Variants in SRBD1 observed in about 807,000 individuals in gnomAD.
SRBD1 encodes S1 RNA binding domain 1, also known as S1 RNA-binding domain-containing protein 1.
SRBD1 carries 88 observed loss-of-function variants against 115.3 expected under a neutral mutation model. The observed-to-expected ratio is 0.76, with a 90% CI of 0.64 to 0.91. The LOEUF (loss-of-function observed/expected upper bound fraction) is 0.91, where lower values mean the gene tolerates loss of function less well. Among genes scored for constraint, SRBD1 ranks in the 40% least tolerant of loss-of-function variants. The pLI is 0.00. For missense variants in SRBD1, 1,385 were observed against 1,177.4 expected, an observed-to-expected ratio of 1.18 and a Z score of -2.58; for synonymous variants, 509 against 407.7, an observed-to-expected ratio of 1.25 and a Z score of -2.99.
chr2:45,599,690 T>C lies in SRBD1; in HGVS notation c.407A>G (p.Glu136Gly), dbSNP rs142757524. Residue 136 changes from glutamate to glycine, a missense_variant, in exon 4 of 21, where the codon GAA becomes GGA. Transcript: ENST00000263736. The part of the protein sequence containing the change: ...TVRRTKKLKV[E>G]EETSKASNLE... ...GTTGCTGGCTTTGCTGGTTTCTTCT[T>C]CAACTTTCAGCTTTTTAGTCCTTCG... is the stretch of plus-strand genomic sequence containing the variant. 1.2e-6 allele frequency: 2 copies of C among 1,614,126 alleles called. No individual in the cohort carries two copies. The highest frequency in any genetic ancestry group is 1.7e-6 in the Non-Finnish European group (2 of 1,180,054).
At chr2:45,402,945 C>T (rs1175903764) in intron 19 of SRBD1, among the ~76,000 whole-genome samples, 1 of 152,118 alleles carries the variant, frequency 6.6e-6, no homozygotes, top group Non-Finnish European at 1.5e-5. Context: ...AGAATAACCC[C>T]TAAATAGGCT....
chr2:45,420,492 G>A (rs1245846792), intron 16 of SRBD1, among the ~76,000 whole-genome samples: 1 of 152,148 alleles, frequency 6.6e-6, no homozygotes, highest in Non-Finnish European at 1.5e-5. Context: ...ATTAAACCAT[G>A]ACACATGCTT....
chr2:45,567,320 A>T (rs1467747534), intron 9 of SRBD1, among the ~76,000 whole-genome samples: 1 of 152,176 alleles, frequency 6.6e-6, no homozygotes. Context: ...CTTAGAAATA[A>T]ATGTTTCGGC....
chr2:45,409,829 A>G (rs980627027), intron 19 of SRBD1, among the ~76,000 whole-genome samples: 1 of 152,198 alleles, frequency 6.6e-6, no homozygotes, highest in African/African-American at 2.4e-5. Flanking sequence ...ACTGAAAGCT[A>G]AAAGACACAG....
At chr2:45,393,961 T>C (rs1341921277) in intron 19 of SRBD1, among the ~76,000 whole-genome samples, 1 of 152,128 alleles carries the variant, frequency 6.6e-6, no homozygotes, top group African/African-American at 2.4e-5. Context: ...TTAATAACTC[T>C]CAAATTCCGT....
chr2:45,425,086 T>A (rs1427566989), intron 16 of SRBD1, among the ~76,000 whole-genome samples: 1 of 152,170 alleles, frequency 6.6e-6, no homozygotes, highest in African/African-American at 2.4e-5. Flanking sequence ...TGTAATAAAA[T>A]CTCTTTATCA....
chr2:45,394,642 C>A (rs901037926), intron 19 of SRBD1, among the ~76,000 whole-genome samples: 2 of 152,172 alleles, frequency 1.3e-5, no homozygotes, highest in African/African-American at 4.8e-5. Context: ...GGTCTCTTCA[C>A]AGTGATACTC....
chr2:45,475,004 C>G (rs1031953441), intron 16 of SRBD1, among the ~76,000 whole-genome samples: 2 of 152,200 alleles, frequency 1.3e-5, no homozygotes, highest in Admixed American at 6.5e-5. Context: ...ATTTGCTGAA[C>G]AGTGAGTAGT....
intron 17 of SRBD1, 23 bp downstream of exon 17, chr2:45,419,765 C>G (rs1287841768): frequency 6.2e-7 from 1 of 1,606,044 alleles, no homozygotes; most frequent in Non-Finnish European, 8.5e-7. Flanking sequence ...ATTCTGTGAT[C>G]TTCAGCCACA....
At chr2:45,527,886 G>A (rs1318882354) in intron 14 of SRBD1, among the ~76,000 whole-genome samples, 1 of 151,766 alleles carries the variant, frequency 6.6e-6, no homozygotes, top group Non-Finnish European at 1.5e-5. Context: ...TTGTTTATAG[G>A]AATCATTGCT....
chr2:45,445,014 G>T (rs1490910455), intron 16 of SRBD1, among the ~76,000 whole-genome samples: 1 of 152,160 alleles, frequency 6.6e-6, no homozygotes, highest in Admixed American at 6.5e-5. Flanking sequence ...AGGAACTCAA[G>T]GCAAGACAAA....
chr2:45,436,567 A>G (rs182282011), intron 16 of SRBD1, among the ~76,000 whole-genome samples: 25 of 152,330 alleles, frequency 1.6e-4, no homozygotes, highest in African/African-American at 6.0e-4. Context: ...ACTTACAATC[A>G]TGATAGAAGG....
intron 19 of SRBD1, among the ~76,000 whole-genome samples, chr2:45,396,698 AG>A (rs1256109133): frequency 1.2e-4 from 19 of 152,238 alleles, no homozygotes; most frequent in African/African-American, 4.3e-4. Context: ...TTCCCTTCAA[AG>A]AATAAGAAAA....
chr2:45,553,723 G>A lies in SRBD1; in HGVS notation c.1417C>T (p.Pro473Ser), dbSNP rs1161777941. Reference sequence around the variant, plus strand: ...AACTCTGGCCTTGCAAAGCTACGTGGTCTCCACCTGCAAAACAGAAAAGCC... The same window carrying A: ...AACTCTGGCCTTGCAAAGCTACGTGATCTCCACCTGCAAAACAGAAAAGCC... ...CRWCIQNRWRPRSFARPELMK... is the reference protein window; with the variant it reads ...CRWCIQNRWRSRSFARPELMK... Residue 473 changes from proline to serine, a missense_variant, in exon 11 of 21, where the codon CCA becomes TCA. Pro to Ser is a moderately conservative substitution (Grantham distance 74). Transcript: ENST00000263736. 6.3e-6 allele frequency: 10 copies of A among 1,576,120 alleles called. No homozygotes were observed. Among genetic ancestry groups the A allele is most frequent in the Non-Finnish European group, 8.6e-6 (10 of 1,163,944 alleles).
Position 45,405,362 on chromosome 2 carries a change from A to G in SRBD1, c.2513+7752T>C, listed in dbSNP as rs566914033. 2.2e-3 allele frequency among the ~76,000 whole-genome samples: 329 copies of G among 152,254 alleles called. 2 individuals carry two copies. Among genetic ancestry groups the G allele is most frequent in the African/African-American group, 7.7e-3 (318 of 41,556 alleles). On this transcript the variant is annotated intron_variant, in intron 19 of 20. Coordinates refer to ENST00000263736, the MANE Select transcript of SRBD1 (RefSeq NM_018079.5). ...TTTTGTGTGGGGCTAGTGAGGACTG[A>G]TGATAAAAGAAGATGGAGTTGTAAA...
chr2:45,610,133 C>G (rs1674398995), intron 1 of SRBD1, among the ~76,000 whole-genome samples: 1 of 152,176 alleles, frequency 6.6e-6, no homozygotes, highest in South Asian at 2.1e-4. Context: ...ATCTTAATCA[C>G]TGTAGGCACA....
At position 45,396,603 on chromosome 2, in the gene SRBD1, G is replaced by A. The variant is rs145201238; in HGVS notation, c.2514-3474C>T. ...GTTAAAATACAGACCTTGCAGCAGA[G>A]TTAATGCTTATTTTTCAAACAGAAT... On this transcript the variant is annotated intron_variant, in intron 19 of 20. Coordinates refer to ENST00000263736, the MANE Select transcript of SRBD1 (RefSeq NM_018079.5). Among the ~76,000 whole-genome samples, 450 of 152,328 alleles carry A rather than the reference G, an allele frequency of 3.0e-3. 4 individuals are homozygous for A. The highest frequency in any genetic ancestry group is 5.0e-3 in the Non-Finnish European group (343 of 68,022).
At chr2:45,541,907 G>C (rs1313613933) in intron 14 of SRBD1, among the ~76,000 whole-genome samples, 1 of 152,238 alleles carries the variant, frequency 6.6e-6, no homozygotes, top group Non-Finnish European at 1.5e-5. Flanking sequence ...GGCATGTCTG[G>C]AAAAAGTACC....
At chr2:45,480,610 T>C (rs907206321) in intron 15 of SRBD1, among the ~76,000 whole-genome samples, 1 of 152,156 alleles carries the variant, frequency 6.6e-6, no homozygotes, top group African/African-American at 2.4e-5. Context: ...GACAAGCAAA[T>C]AAAGTGTTTT....
Sources: gnomAD v4.1 joint callset for allele counts (sites outside exome capture counted in the v4.1 genomes callset) on GRCh38, gnomAD v4.1.1 for gene constraint, MANE v1.5 for transcripts, NCBI Gene and HGNC (gene_info 2026-07-23, HGNC 2026-07-21) for gene names.